Variants in RBFOX1 observed in about 807,000 individuals in gnomAD.
RBFOX1 encodes the protein RNA binding fox-1 homolog 1.
RBFOX1 carries 8 observed loss-of-function variants against 57.7 expected under a neutral mutation model. That is an observed-to-expected ratio of 0.14 (90% CI 0.08 to 0.25). RBFOX1 has a LOEUF of 0.25. RBFOX1 is among the 10% of genes least tolerant of loss of function. The pLI is 1.00. For missense variants in RBFOX1, 611 were observed against 548.5 expected (o/e 1.11, Z -1.14); for synonymous variants, 326 against 222.4 (o/e 1.47, Z -4.15).
chr16:6,589,715 G>A (rs1403351227), intron 2 of RBFOX1, among the ~76,000 whole-genome samples: 1 of 152,124 alleles, frequency 6.6e-6, no homozygotes, highest in African/African-American at 2.4e-5. Context: ...GCATAAAGGG[G>A]GATTGTTTGG....
At chr16:6,397,139 T>G (rs868662192) in intron 2 of RBFOX1, among the ~76,000 whole-genome samples, 4 of 152,164 alleles carry the variant, frequency 2.6e-5, no homozygotes, top group Admixed American at 6.5e-5. Context: ...TAAGTAATAG[T>G]TGAAATTTCT....
chr16:7,168,470 G>T (rs1298932286), intron 4 of RBFOX1, among the ~76,000 whole-genome samples: 1 of 152,160 alleles, frequency 6.6e-6, no homozygotes, highest in East Asian at 1.9e-4. Flanking sequence ...CGAGCTCAAA[G>T]AGGTGGCTAT....
chr16:5,693,531 T>A (rs1345674870), intron 3 of RBFOX1, among the ~76,000 whole-genome samples: 2 of 152,072 alleles, frequency 1.3e-5, no homozygotes, highest in East Asian at 1.9e-4. Context: ...AAAAACTCAT[T>A]ATATGTTGGG....
chr16:7,559,421 C>T (rs567195281), intron 5 of RBFOX1, among the ~76,000 whole-genome samples: 1 of 152,278 alleles, frequency 6.6e-6, no homozygotes, highest in East Asian at 1.9e-4. Flanking sequence ...TTGCTTGACT[C>T]CAGTCAGAGA....
chr16:5,261,609 G>A (rs145733282), intron 1 of RBFOX1, among the ~76,000 whole-genome samples: 99 of 149,376 alleles, frequency 6.6e-4, no homozygotes, highest in East Asian at 6.1e-3. Context: ...GAGTGCAGTG[G>A]TGTGATCCCA....
chr16:6,373,513 T>C (rs1175805997), intron 2 of RBFOX1, among the ~76,000 whole-genome samples: 1 of 151,088 alleles, frequency 6.6e-6, no homozygotes, highest in Non-Finnish European at 1.5e-5. Context: ...TGGAAATGTA[T>C]AGTTGGATAC....
chr16:7,627,676 A>C (rs1410692912), intron 10 of RBFOX1, among the ~76,000 whole-genome samples: 1 of 152,142 alleles, frequency 6.6e-6, no homozygotes, highest in Non-Finnish European at 1.5e-5. Flanking sequence ...CTTACTTTTT[A>C]AAACAAACAC....
chr16:6,671,030 C>G (rs189369414), intron 3 of RBFOX1, among the ~76,000 whole-genome samples: 8 of 152,274 alleles, frequency 5.3e-5, no homozygotes, highest in East Asian at 3.9e-4. Flanking sequence ...TCCTTATTTA[C>G]TTGGTATGTT....
intron 3 of RBFOX1, among the ~76,000 whole-genome samples, chr16:6,886,480 C>T (rs191630571): frequency 6.1e-4 from 93 of 151,986 alleles, no homozygotes; most frequent in Admixed American, 2.2e-3. Context: ...AGGCCCAGCG[C>T]GGTGGCTCAC....
At chr16:5,922,051 C>G (rs1205311795) in intron 4 of RBFOX1, among the ~76,000 whole-genome samples, 1 of 152,018 alleles carries the variant, frequency 6.6e-6, no homozygotes, top group African/African-American at 2.4e-5. Flanking sequence ...GTCTCAGCTA[C>G]TTGGGAGGCT....
chr16:6,937,140 T>C (rs1345398117), intron 3 of RBFOX1, among the ~76,000 whole-genome samples: 2 of 152,184 alleles, frequency 1.3e-5, no homozygotes, highest in Non-Finnish European at 1.5e-5. Context: ...AATTTTACCT[T>C]TAAAATGTTA....
In RBFOX1 at chr16:7,171,841, C is replaced by T. The variant is rs576977106; in HGVS notation, c.27+119743C>T. On this transcript the variant is annotated intron_variant, in intron 4 of 15. Coordinates refer to ENST00000550418, the MANE Select transcript of RBFOX1 (RefSeq NM_018723.4). ...TTTTTAGCTATAAAATTTTGCTTAT[C>T]GCATAGTTTAAAGTGGGATGATGAC... Among the ~76,000 whole-genome samples the T allele has an allele frequency of 2.6e-5, 4 of 152,222 alleles. No individual in the cohort carries two copies. In the South Asian group the frequency reaches 6.2e-4, roughly 24 times the overall value.
At chr16:6,127,742 GA>G (rs1345030302) in intron 1 of RBFOX1, among the ~76,000 whole-genome samples, 1 of 152,072 alleles carries the variant, frequency 6.6e-6, no homozygotes, top group Non-Finnish European at 1.5e-5. Flanking sequence ...AACACTCCGG[GA>G]AAAATGGGAT....
At chr16:6,694,928 T>C (rs2060794294) in intron 3 of RBFOX1, among the ~76,000 whole-genome samples, 1 of 151,324 alleles carries the variant, frequency 6.6e-6, no homozygotes, top group African/African-American at 2.4e-5. Context: ...ACTTGTCAGA[T>C]CTCGGGGGAA....
At chr16:6,774,002 C>T (rs928741029) in intron 3 of RBFOX1, 5 of 985,158 alleles carry the variant, frequency 5.1e-6, no homozygotes, top group Non-Finnish European at 6.0e-6. Flanking sequence ...TAATTAGCTC[C>T]TCAGAGACCA....
intron 3 of RBFOX1, among the ~76,000 whole-genome samples, chr16:5,639,630 A>G (rs1298512098): frequency 1.3e-5 from 2 of 152,166 alleles, no homozygotes; most frequent in Non-Finnish European, 2.9e-5. Flanking sequence ...GCATGCATTC[A>G]TCATCACTGT....
chr16:6,762,994 G>C (rs541869150), intron 3 of RBFOX1, among the ~76,000 whole-genome samples: 2 of 151,656 alleles, frequency 1.3e-5, no homozygotes, highest in East Asian at 3.9e-4. Flanking sequence ...AATTTGCCCA[G>C]TGCAAATAGG....
chr16:5,362,511 C>G (rs148701141), intron 1 of RBFOX1, among the ~76,000 whole-genome samples: 1 of 152,106 alleles, frequency 6.6e-6, no homozygotes, highest in East Asian at 1.9e-4. Flanking sequence ...TACAGGCATG[C>G]GCCAACACGC....
upstream of RBFOX1, among the ~76,000 whole-genome samples, chr16:6,014,084 C>A (rs1345947803): frequency 6.6e-6 from 1 of 151,922 alleles, no homozygotes; most frequent in Non-Finnish European, 1.5e-5. Context: ...GCACGTTGTG[C>A]ACATGTACCC....
Sources: allele counts gnomAD v4.1 joint callset (sites outside exome capture counted in the v4.1 genomes callset), GRCh38; gene constraint gnomAD v4.1.1; transcripts MANE v1.5; gene names NCBI Gene and HGNC (gene_info 2026-07-23, HGNC 2026-07-21).